Variants in MBD5 observed in about 807,000 individuals in gnomAD.
MBD5 encodes methyl-CpG-binding domain protein 5.
Under a neutral mutation model 117.3 loss-of-function variants are expected in MBD5, and 13 were observed. That is an observed-to-expected ratio of 0.11 (90% confidence interval 0.07 to 0.18). The LOEUF is 0.18. Among genes scored for constraint, MBD5 ranks in the 10% least tolerant of loss-of-function variants. The pLI is 1.00. For synonymous variants in MBD5, 727 were observed against 766.4 expected (o/e 0.95, Z 0.85); for missense variants, 1,879 against 2,093.8 (o/e 0.90, Z 2.00).
chr2:148,163,810 G>A (rs918656154), intron 1 of MBD5, among the ~76,000 whole-genome samples: 2 of 152,108 alleles, frequency 1.3e-5, no homozygotes, highest in Non-Finnish European at 2.9e-5. Flanking sequence ...AGAAAACAAT[G>A]TATTATGGGT....
intron 3 of MBD5, among the ~76,000 whole-genome samples, chr2:148,260,144 T>C (rs1700699268): frequency 6.6e-6 from 1 of 152,298 alleles, no homozygotes; most frequent in South Asian, 2.1e-4. Context: ...AAAATGCAGT[T>C]TGATAGAATT....
At chr2:148,251,756 A>G (rs1048582399) in intron 3 of MBD5, among the ~76,000 whole-genome samples, 4 of 152,198 alleles carry the variant, frequency 2.6e-5, no homozygotes, top group East Asian at 1.9e-4. Flanking sequence ...AAATGTACCT[A>G]TGGTCAACAA....
Position 148,238,308 on chromosome 2 carries a change from A to C in MBD5, c.-680+4913A>C, listed in dbSNP as rs1370565974. ...ACCAATGGTTATTAATCTGAGTCTC[A>C]TAGAAACTATGTACATTCCAAATTT... On this transcript the variant is annotated intron_variant, in intron 3 of 13. Transcript: ENST00000642680. Among the ~76,000 whole-genome samples the C allele has an allele frequency of 3.3e-5, 5 of 152,326 alleles. No homozygotes were observed. In the South Asian group the frequency reaches 1.0e-3, roughly 32 times the overall value.
At chr2:148,305,866 G>A (rs1701878292) in intron 3 of MBD5, among the ~76,000 whole-genome samples, 1 of 152,164 alleles carries the variant, frequency 6.6e-6, no homozygotes, top group African/African-American at 2.4e-5. Context: ...AAACCTCAAA[G>A]ACAGTGAACA....
chr2:148,510,212 G>A, intron 13 of MBD5, 77 bp downstream of exon 13: 1 of 1,094,472 alleles, frequency 9.1e-7, no homozygotes, highest in African/African-American at 1.6e-5. Context: ...AAAGTCTCTT[G>A]AGTATTGTCA....
At chr2:148,243,690 T>C (rs1191351153) in intron 3 of MBD5, 1 of 152,126 alleles carries the variant, frequency 6.6e-6, no homozygotes, top group African/African-American at 2.4e-5. Flanking sequence ...TAGTTCAGTT[T>C]ATGTATATTT....
intron 3 of MBD5, among the ~76,000 whole-genome samples, chr2:148,331,710 T>C (rs1327004067): frequency 6.6e-6 from 1 of 152,086 alleles, no homozygotes; most frequent in Non-Finnish European, 1.5e-5. Context: ...ATGAAAGATA[T>C]ACAAATAGAG....
At chr2:148,246,019 G>T (rs553045784) in intron 3 of MBD5, among the ~76,000 whole-genome samples, 108 of 152,214 alleles carry the variant, frequency 7.1e-4, no homozygotes, top group African/African-American at 2.5e-3. Flanking sequence ...GATACATGAG[G>T]TTTCATGTAG....
At chr2:148,210,470 AC>A (rs1699395542) in intron 2 of MBD5, among the ~76,000 whole-genome samples, 1 of 152,016 alleles carries the variant, frequency 6.6e-6, no homozygotes, top group African/African-American at 2.4e-5. Context: ...TATATTTTAT[AC>A]TTTTTTAATA....
chr2:148,101,780 G>C (rs549329480), intron 1 of MBD5, among the ~76,000 whole-genome samples: 2 of 152,146 alleles, frequency 1.3e-5, no homozygotes, highest in African/African-American at 4.8e-5. Flanking sequence ...AGTAAAAATA[G>C]GTGCTAAAAT....
At chr2:148,152,319 C>T (rs201627138) in intron 1 of MBD5, among the ~76,000 whole-genome samples, 11 of 152,100 alleles carry the variant, frequency 7.2e-5, no homozygotes, top group East Asian at 1.9e-4. Flanking sequence ...TTGTTATAAT[C>T]TCTGTTCTTT....
At chr2:148,111,442 G>T (rs1696501349) in intron 1 of MBD5, among the ~76,000 whole-genome samples, 1 of 152,118 alleles carries the variant, frequency 6.6e-6, no homozygotes, top group Non-Finnish European at 1.5e-5. Flanking sequence ...AAACAAGATT[G>T]TAGAATTGCT....
chr2:148,024,750 G>A (rs1322840546), intron 1 of MBD5, among the ~76,000 whole-genome samples: 1 of 152,152 alleles, frequency 6.6e-6, no homozygotes, highest in Non-Finnish European at 1.5e-5. Flanking sequence ...TATACAGGAA[G>A]CAGTTTGGCA....
chr2:148,263,685 A>T (rs986116706), intron 3 of MBD5, among the ~76,000 whole-genome samples: 21 of 152,212 alleles, frequency 1.4e-4, no homozygotes, highest in African/African-American at 5.1e-4. Flanking sequence ...ATCCTGGGAC[A>T]GCTGCCCTGC....
At chr2:148,161,264 C>A (rs1698000964) in intron 1 of MBD5, among the ~76,000 whole-genome samples, 1 of 152,154 alleles carries the variant, frequency 6.6e-6, no homozygotes, top group Admixed American at 6.5e-5. Flanking sequence ...GAGCTCTAAT[C>A]CAGAGTGGGA....
intron 4 of MBD5, among the ~76,000 whole-genome samples, chr2:148,410,043 C>T (rs1179632030): frequency 1.3e-5 from 2 of 152,028 alleles, no homozygotes; most frequent in African/African-American, 4.8e-5. Flanking sequence ...TTGATTATTT[C>T]TTCAGACCTG....
intron 1 of MBD5, among the ~76,000 whole-genome samples, chr2:148,093,743 T>C (rs977093104): frequency 2.0e-5 from 3 of 152,156 alleles, no homozygotes; most frequent in African/African-American, 4.8e-5. Context: ...ACATATAATA[T>C]ATGTTCATTG....
intron 3 of MBD5, among the ~76,000 whole-genome samples, chr2:148,294,514 T>TGTTTTTGTTTTTTTGTTTTG: frequency 7.2e-6 from 1 of 138,788 alleles, no homozygotes; most frequent in South Asian, 2.3e-4. Flanking sequence ...TTTTTTTTTT[T>TGTTTTTGTTTTTTTGTTTTG]TTTTTTTGAG....
At chr2:148,396,542 A>G (rs1704720224) in intron 4 of MBD5, among the ~76,000 whole-genome samples, 2 of 152,092 alleles carry the variant, frequency 1.3e-5, no homozygotes, top group South Asian at 4.1e-4. Context: ...TGTACTCTCC[A>G]CTTTTGTAGA....
Sources: gnomAD v4.1 joint callset for allele counts (sites outside exome capture counted in the v4.1 genomes callset) on GRCh38, gnomAD v4.1.1 for gene constraint, MANE v1.5 for transcripts, NCBI Gene and HGNC (gene_info 2026-07-23, HGNC 2026-07-21) for gene names.